The following PLD5 variants were observed in gnomAD, a reference collection of about 807,000 sequenced individuals.
PLD5 encodes the protein phospholipase D family member 5.
In PLD5, 36 loss-of-function variants were observed where a neutral mutation model predicts 61.1. The ratio of observed to expected loss-of-function variants is 0.59; its 90% CI spans 0.45 to 0.78. PLD5 has a LOEUF of 0.78. PLD5 is among the 30% of genes least tolerant of loss of function. PLD5 has a pLI of 0.00. For missense variants in PLD5, 515 were observed against 644.4 expected (o/e 0.80, Z 2.17); for synonymous variants, 243 against 242.8 (o/e 1.00, Z -0.01).
At chr1:242,236,427 TAA>T (rs1671643164) in intron 4 of PLD5, among the ~76,000 whole-genome samples, 1 of 152,194 alleles carries the variant, frequency 6.6e-6, no homozygotes, top group African/African-American at 2.4e-5. Flanking sequence ...TCATTTAGCC[TAA>T]AGTTTTACAT....
intron 3 of PLD5, among the ~76,000 whole-genome samples, chr1:242,265,892 T>C: frequency 6.6e-6 from 1 of 152,232 alleles, no homozygotes; most frequent in East Asian, 1.9e-4. Flanking sequence ...ATAATATTTA[T>C]ATTTACTTCA....
chr1:242,268,411 C>T (rs1033774963), intron 3 of PLD5, among the ~76,000 whole-genome samples: 1 of 152,108 alleles, frequency 6.6e-6, no homozygotes, highest in African/African-American at 2.4e-5. Context: ...ATTCAAGAGA[C>T]CATCTAACTT....
At position 242,085,022 on chromosome 1, in the gene PLD5, G is replaced by A. The variant is rs1237993432; in HGVS notation, c.*4832C>T. 6.6e-6 allele frequency: 1 copy of A among 151,862 alleles called. No individual in the cohort carries two copies. Among genetic ancestry groups the A allele is most frequent in the Non-Finnish European group, 1.5e-5 (1 of 67,988 alleles). 9.4% of individuals were successfully genotyped at this position (151,862 alleles called of 1,614,324 possible). On this transcript the variant is annotated 3_prime_UTR_variant, in exon 10 of 10. Coordinates refer to ENST00000536534, the MANE Select transcript of PLD5 (RefSeq NM_001372062.1). ...AAACTGAGCATCTGGTTATACGAAA[G>A]GTTTGATAATTTTAATGATTCCCCC...
chr1:242,297,541 G>C (rs923669975), intron 2 of PLD5, among the ~76,000 whole-genome samples: 1 of 151,420 alleles, frequency 6.6e-6, no homozygotes, highest in African/African-American at 2.4e-5. Flanking sequence ...GAGTAGCTGG[G>C]AGTACAGGCA....
At chr1:242,283,420 T>C (rs71650688) in intron 3 of PLD5, among the ~76,000 whole-genome samples, 1 of 152,224 alleles carries the variant, frequency 6.6e-6, no homozygotes. Flanking sequence ...AAAAGACATC[T>C]GGGCTGCTTT....
chr1:242,236,985 C>A (rs999819276), intron 4 of PLD5, among the ~76,000 whole-genome samples: 3 of 152,122 alleles, frequency 2.0e-5, no homozygotes, highest in Non-Finnish European at 2.9e-5. Context: ...AAAAAGAATC[C>A]AGGATACTGA....
rs767869905 is a variant in PLD5, at chr1:242,419,572, A to ATTTTTTTTT, written c.190-71339_190-71331dup. ...CACTACACCCGGCTAAATTTTTTGC[A>ATTTTTTTTT]TTTTTTTTTTTTTTTTTTTTTTAGT... On this transcript the variant is annotated intron_variant, in intron 1 of 9. Coordinates refer to ENST00000536534, the MANE Select transcript of PLD5 (RefSeq NM_001372062.1). Among the ~76,000 whole-genome samples, 36 of 97,076 alleles carry ATTTTTTTTT rather than the reference A, an allele frequency of 3.7e-4. 1 individual carries two copies. The highest frequency in any genetic ancestry group is 4.3e-4 in the Admixed American group (3 of 7,034). The allele number at this position is 97,076 out of a possible 152,430, so 63.7% of individuals were successfully genotyped here. A position where few individuals can be genotyped will look rare whatever the true frequency, so the allele number is the denominator to read the frequency against.
chr1:242,099,235 G>C (rs1157843156), intron 9 of PLD5, among the ~76,000 whole-genome samples: 1 of 152,016 alleles, frequency 6.6e-6, no homozygotes, highest in Non-Finnish European at 1.5e-5. Flanking sequence ...AATTCTCCCT[G>C]CCTTGGCCTC....
intron 4 of PLD5, among the ~76,000 whole-genome samples, chr1:242,233,432 T>C (rs1483352632): frequency 1.3e-5 from 2 of 152,262 alleles, no homozygotes; most frequent in Non-Finnish European, 2.9e-5. Context: ...CCTAGAGAGA[T>C]GTTCCTCTTA....
chr1:242,113,122 C>T (rs562033302), intron 7 of PLD5, among the ~76,000 whole-genome samples: 1 of 117,750 alleles, frequency 8.5e-6, no homozygotes, highest in South Asian at 2.8e-4. Flanking sequence ...TGGATTCTTG[C>T]TCTGTCGCCC....
At chr1:242,192,539 T>A (rs1199528522) in intron 5 of PLD5, among the ~76,000 whole-genome samples, 3 of 152,200 alleles carry the variant, frequency 2.0e-5, no homozygotes, top group Non-Finnish European at 4.4e-5. Context: ...ATCCCTGCTG[T>A]GTCTTATCAC....
At chr1:242,523,964 C>T (rs1029026366) in intron 1 of PLD5, 124 bp downstream of exon 1, 1 of 1,068,584 alleles carries the variant, frequency 9.4e-7, no homozygotes, top group Non-Finnish European at 1.3e-6. Context: ...CGACCTAGGA[C>T]GTCGGCGCCT....
rs1367575282 is a variant in PLD5 at position 242,254,495 on chromosome 1, C to T, written c.607+10842G>A. On this transcript the variant is annotated intron_variant, in intron 4 of 9. Coordinates refer to ENST00000536534, the MANE Select transcript of PLD5 (RefSeq NM_001372062.1). ...CACCAGCCTGGCCAACATGGCGAAA[C>T]CCCATCTCTACCAAAAATACAAAAA... Among the ~76,000 whole-genome samples the T allele has an allele frequency of 3.3e-5, 5 of 152,154 alleles. No individual in the cohort carries two copies. The East Asian group carries it at 9.6e-4, about 29-fold the overall frequency.
intron 2 of PLD5, among the ~76,000 whole-genome samples, chr1:242,337,198 T>C (rs1052301733): frequency 2.7e-4 from 18 of 67,078 alleles, no homozygotes; most frequent in African/African-American, 7.6e-4. Context: ...AAGGTAAATA[T>C]AAGAAAGCAT....
intron 1 of PLD5, chr1:242,365,061 T>A (rs1661268594): frequency 6.6e-6 from 1 of 151,536 alleles, no homozygotes; most frequent in Non-Finnish European, 1.5e-5. Flanking sequence ...TAAAAAATAA[T>A]AAAATAATAA....
chr1:242,163,240 T>A (rs1027399582), intron 5 of PLD5, among the ~76,000 whole-genome samples: 1 of 148,098 alleles, frequency 6.8e-6, no homozygotes, highest in Non-Finnish European at 1.5e-5. Context: ...GCCTCCCGGG[T>A]TCATGCCATT....
chr1:242,193,270 T>C (rs982222665), intron 5 of PLD5, among the ~76,000 whole-genome samples: 3 of 152,040 alleles, frequency 2.0e-5, no homozygotes, highest in Non-Finnish European at 2.9e-5. Context: ...GAAGATAACG[T>C]AGAGAAAAGT....
At chr1:242,511,028 T>C (rs1416642850) in intron 1 of PLD5, among the ~76,000 whole-genome samples, 2 of 152,034 alleles carry the variant, frequency 1.3e-5, no homozygotes, top group South Asian at 2.1e-4. Flanking sequence ...TTTAAGATGT[T>C]AGGAAGGGGC....
chr1:242,128,653 T>G (rs1662994506), intron 5 of PLD5, among the ~76,000 whole-genome samples: 1 of 152,154 alleles, frequency 6.6e-6, no homozygotes, highest in African/African-American at 2.4e-5. Context: ...TAACTATTAT[T>G]TTGAAAACTG....
Sources: allele counts gnomAD v4.1 joint callset (sites outside exome capture counted in the v4.1 genomes callset), GRCh38; gene constraint gnomAD v4.1.1; transcripts MANE v1.5; gene names NCBI Gene and HGNC (gene_info 2026-07-23, HGNC 2026-07-21).